The following KCNIP4 variants were observed in gnomAD, a reference collection of about 807,000 sequenced individuals.
KCNIP4 encodes the protein Kv channel-interacting protein 4.
In KCNIP4, 12 loss-of-function variants were observed where a neutral mutation model predicts 34.0. The observed-to-expected ratio is 0.35, with a 90% CI of 0.23 to 0.57. The LOEUF is 0.57. Ranked by LOEUF, KCNIP4 falls within the 20% of genes least tolerant of loss-of-function variation. KCNIP4 has a pLI of 0.83. For synonymous variants in KCNIP4, 124 were observed against 102.2 expected (o/e 1.21, Z -1.29); for missense variants, 238 against 311.7 (o/e 0.76, Z 1.78).
chr4:21,531,578 T>C (rs1736687773), intron 1 of KCNIP4, among the ~76,000 whole-genome samples: 1 of 152,000 alleles, frequency 6.6e-6, no homozygotes, highest in Non-Finnish European at 1.5e-5. Flanking sequence ...GGTTTTGCCA[T>C]GTTGGCCAGG....
chr4:21,801,360 C>T (rs1262316228), intron 1 of KCNIP4, among the ~76,000 whole-genome samples: 1 of 152,082 alleles, frequency 6.6e-6, no homozygotes, highest in East Asian at 1.9e-4. Flanking sequence ...AGTGACCAAC[C>T]TCTAGTTGCC....
At chr4:20,765,250 A>G (rs571948814) in intron 3 of KCNIP4, among the ~76,000 whole-genome samples, 2 of 152,292 alleles carry the variant, frequency 1.3e-5, no homozygotes, top group African/African-American at 4.8e-5. Context: ...TTGCAATGCT[A>G]TCTTGCCTTC....
chr4:21,086,818 A>C (rs1329750882), intron 1 of KCNIP4, among the ~76,000 whole-genome samples: 2 of 152,020 alleles, frequency 1.3e-5, no homozygotes, highest in African/African-American at 4.8e-5. Flanking sequence ...ACAATCAAAG[A>C]ATGCTACCTA....
At chr4:21,359,254 T>C (rs1718972889) in intron 1 of KCNIP4, among the ~76,000 whole-genome samples, 1 of 152,074 alleles carries the variant, frequency 6.6e-6, no homozygotes, top group African/African-American at 2.4e-5. Context: ...TCTTCTCATC[T>C]TCTCCTGCCC....
At chr4:21,488,099 A>G (rs912535243) in intron 1 of KCNIP4, among the ~76,000 whole-genome samples, 1 of 152,182 alleles carries the variant, frequency 6.6e-6, no homozygotes, top group Admixed American at 6.6e-5. Context: ...ATGTCTGCAT[A>G]CTAACCCATC....
At chr4:21,621,791 T>G (rs747648838) in intron 1 of KCNIP4, among the ~76,000 whole-genome samples, 2 of 152,190 alleles carry the variant, frequency 1.3e-5, no homozygotes, top group Admixed American at 1.3e-4. Flanking sequence ...GTACATTATA[T>G]AAAAGAAATT....
chr4:21,343,705 A>G (rs1716994807), intron 1 of KCNIP4, among the ~76,000 whole-genome samples: 1 of 152,082 alleles, frequency 6.6e-6, no homozygotes, highest in African/African-American at 2.4e-5. Context: ...TCACCCCCAG[A>G]AAGTCTCAGG....
chr4:21,314,331 A>C (rs1489939140), intron 1 of KCNIP4, among the ~76,000 whole-genome samples: 4 of 152,212 alleles, frequency 2.6e-5, no homozygotes, highest in African/African-American at 4.8e-5. Flanking sequence ...CAGCTACAAA[A>C]TCTTTTCACC....
At chr4:21,015,889 A>G (rs1034572124) in intron 1 of KCNIP4, among the ~76,000 whole-genome samples, 1 of 142,444 alleles carries the variant, frequency 7.0e-6, no homozygotes, top group African/African-American at 2.5e-5. Context: ...AATATATACA[A>G]TATATACAAT....
intron 3 of KCNIP4, among the ~76,000 whole-genome samples, chr4:20,792,513 G>A (rs1217509337): frequency 6.6e-6 from 1 of 151,872 alleles, no homozygotes; most frequent in Non-Finnish European, 1.5e-5. Context: ...TTGTCAGACT[G>A]ATAAAAAGCA....
intron 1 of KCNIP4, among the ~76,000 whole-genome samples, chr4:21,570,920 T>C (rs1740319951): frequency 2.6e-5 from 4 of 152,096 alleles, no homozygotes; most frequent in Non-Finnish European, 5.9e-5. Flanking sequence ...GAGTACATCT[T>C]TTGGTCAAAG....
At chr4:20,829,025 G>A (rs1292482802) in intron 3 of KCNIP4, among the ~76,000 whole-genome samples, 4 of 152,046 alleles carry the variant, frequency 2.6e-5, no homozygotes, top group Non-Finnish European at 5.9e-5. Context: ...GCATAGGCAG[G>A]GCAAGGCAAA....
chr4:21,552,031 CT>C (rs541675862), intron 1 of KCNIP4, among the ~76,000 whole-genome samples: 5,521 of 110,076 alleles, frequency 0.05, 109 homozygotes, highest in South Asian at 0.14. Flanking sequence ...CAAGGGAGAG[CT>C]TTTTTTAAAA....
chr4:20,872,758 G>A (rs1217198072), intron 2 of KCNIP4, among the ~76,000 whole-genome samples: 1 of 151,902 alleles, frequency 6.6e-6, no homozygotes, highest in Admixed American at 6.6e-5. Context: ...TACCCATTCT[G>A]GCCCAAATTA....
intron 1 of KCNIP4, among the ~76,000 whole-genome samples, chr4:21,323,646 T>C (rs77711463): frequency 0.022 from 3,381 of 152,232 alleles, 119 homozygotes; most frequent in African/African-American, 0.077. Flanking sequence ...GTACTACATT[T>C]CCTTTATCCA....
intron 1 of KCNIP4, among the ~76,000 whole-genome samples, chr4:21,560,088 C>T (rs143687627): frequency 1.3e-5 from 2 of 151,926 alleles, no homozygotes; most frequent in African/African-American, 2.4e-5. Flanking sequence ...TTGTTTTTCT[C>T]CCCCTGGAGA....
chr4:21,568,780 G>A (rs1052535532), intron 1 of KCNIP4, among the ~76,000 whole-genome samples: 3 of 151,992 alleles, frequency 2.0e-5, no homozygotes, highest in Non-Finnish European at 2.9e-5. Context: ...TGGCTTCCTG[G>A]CTCCTCAGCT....
At chr4:21,625,005 A>AT (rs960239985) in intron 1 of KCNIP4, among the ~76,000 whole-genome samples, 5 of 151,948 alleles carry the variant, frequency 3.3e-5, no homozygotes, top group South Asian at 2.1e-4. Flanking sequence ...GGCTGCATCT[A>AT]TTTTTTTTAA....
chr4:21,228,661 T>G (rs2109016183), intron 1 of KCNIP4, among the ~76,000 whole-genome samples: 1 of 152,334 alleles, frequency 6.6e-6, no homozygotes, highest in Non-Finnish European at 1.5e-5. Flanking sequence ...TTCCTTCATC[T>G]TTGCTTCATT....
Sources: allele counts gnomAD v4.1 joint callset (sites outside exome capture counted in the v4.1 genomes callset), GRCh38; gene constraint gnomAD v4.1.1; transcripts MANE v1.5; gene names NCBI Gene and HGNC (gene_info 2026-07-23, HGNC 2026-07-21).